Variants in SSC5D observed in about 807,000 individuals in gnomAD.
The protein encoded by SSC5D is soluble scavenger receptor cysteine-rich domain-containing protein SSC5D.
A neutral mutation model predicts 104.6 loss-of-function variants in SSC5D; 106 were observed. The observed-to-expected ratio is 1.01, with a 90% confidence interval of 0.87 to 1.19. The LOEUF (loss-of-function observed/expected upper bound fraction) is 1.19, where lower values mean the gene tolerates loss of function less well. SSC5D is among the 50% of genes most tolerant of loss of function. The pLI, the probability that SSC5D is intolerant of heterozygous loss-of-function variation, is 0.00. For synonymous variants in SSC5D, 860 were observed against 883.5 expected, an observed-to-expected ratio of 0.97 and a Z score of 0.47; for missense variants, 1,993 against 2,153.8, an observed-to-expected ratio of 0.93 and a Z score of 1.48.
intron 2 of SSC5D, 64 bp downstream of exon 2, chr19:55,489,096 C>T: frequency 8.9e-6 from 9 of 1,007,626 alleles, no homozygotes; most frequent in Non-Finnish European, 1.1e-5. Flanking sequence ...TCTGCCCATC[C>T]AGGCCTGGCC....
intron 9 of SSC5D, 42 bp from the exon 10 acceptor site, chr19:55,499,774 A>G: frequency 6.8e-7 from 1 of 1,481,106 alleles, no homozygotes; most frequent in Non-Finnish European, 9.2e-7. Context: ...TCTTGTCATC[A>G]TGGTGTCTCT....
chr19:55,496,965 G>A (rs2123438757), intron 8 of SSC5D, among the ~76,000 whole-genome samples: 1 of 152,270 alleles, frequency 6.6e-6, no homozygotes. Context: ...TCTCCACGTT[G>A]GCCAGGCTGG....
chr19:55,518,688 G>A lies in SSC5D; in HGVS notation c.4412G>A (p.Gly1471Asp). ...PTPGQSPGPH[G>D]PCVAPTPPVR... is the part of the protein sequence containing the mutation. The stretch of plus-strand genomic sequence containing the variant: ...CCTGGTCAGAGCCCAGGCCCCCATG[G>A]TCCATGTGTGGCCCCAACACCACCT... The change falls in exon 14 of 14, where the codon GGT becomes GAT. Residue 1471 changes from glycine (G) to aspartate (D), a missense_variant. Physicochemically the swap from Gly to Asp is moderately conservative, Grantham distance 94. Coordinates refer to ENST00000389623, the MANE Select transcript of SSC5D (RefSeq NM_001144950.2). 1.3e-6 allele frequency: 2 copies of A among 1,550,074 alleles called. No homozygotes were observed. Among genetic ancestry groups the A allele is most frequent in the South Asian group, 1.2e-5 (1 of 83,868 alleles).
intron 12 of SSC5D, among the ~76,000 whole-genome samples, chr19:55,502,185 A>G (rs887721695): frequency 2.0e-5 from 3 of 152,156 alleles, no homozygotes; most frequent in Non-Finnish European, 2.9e-5. Context: ...GTCTGGGTTT[A>G]TAAGTGTGAG....
At chr19:55,493,466 A>C in intron 6 of SSC5D, 129 bp from the exon 7 acceptor site, 1 of 836,640 alleles carries the variant, frequency 1.2e-6, no homozygotes. Context: ...CCTTTTCCTC[A>C]TTTGGATAGT....
At position 55,500,144 on chromosome 19, in the gene SSC5D, T is replaced by G; in HGVS notation, c.2034T>G (p.Ser678=). 1 of 1,550,782 alleles carries G rather than the reference T, an allele frequency of 6.4e-7. No individual in the cohort carries two copies. Among genetic ancestry groups the G allele is most frequent in the Non-Finnish European group, 8.7e-7 (1 of 1,146,732 alleles). Residue 678 remains serine, a synonymous_variant, in exon 10 of 14, where the codon TCT becomes TCG. Transcript: ENST00000389623. The surrounding 1 kb of genome is among the most constrained non-coding windows in gnomAD (Gnocchi z 4.6). ...CTGAGGCCTCCCGAAGACCTACCTC[T>G]GAGTTTACCAGAAGGCCGACCACGG... ...LTTEASRRPT[S]EFTRRPTTEA... is the part of the protein sequence containing the mutation.
intron 13 of SSC5D, among the ~76,000 whole-genome samples, chr19:55,514,573 C>G (rs974588133): frequency 3.4e-5 from 5 of 147,584 alleles, no homozygotes; most frequent in African/African-American, 1.3e-4. Flanking sequence ...TGCACTCCAG[C>G]CTGGGCAACA....
intron 5 of SSC5D, 108 bp from the exon 6 acceptor site, chr19:55,490,664 T>G: frequency 3.9e-6 from 5 of 1,297,684 alleles, no homozygotes; most frequent in Non-Finnish European, 3.1e-6. Flanking sequence ...GGCGGACAGA[T>G]CTCAGGCCAC....
intron 12 of SSC5D, among the ~76,000 whole-genome samples, chr19:55,512,380 G>T (rs1220823426): frequency 2.4e-4 from 17 of 70,294 alleles, no homozygotes; most frequent in African/African-American, 8.7e-4. Context: ...AAAAAAAAAA[G>T]GAAAAATAGT....
At position 55,501,075 on chromosome 19, in the gene SSC5D, C is replaced by T; in HGVS notation, c.2659C>T (p.Pro887Ser). The change falls in exon 12 of 14, where the codon CCC becomes TCC. Residue 887 changes from proline (P) to serine (S), a missense_variant. Physicochemically the swap from Pro to Ser is moderately conservative, Grantham distance 74. Transcript: ENST00000389623. Reference sequence around the variant, plus strand: ...CGATTATCCCCCCTGGACCTGGGACCCCACCTCAAGAGAGGACCTGGCCAA... The same window carrying T: ...CGATTATCCCCCCTGGACCTGGGACTCCACCTCAAGAGAGGACCTGGCCAA... ...YDDYPPWTWD[P>S]TSREDLAKGT... The T allele has an allele frequency of 3.9e-6, 6 of 1,551,818 alleles. No individual in the cohort carries two copies. Among genetic ancestry groups the T allele is most frequent in the Non-Finnish European group, 5.2e-6 (6 of 1,147,000 alleles).
intron 12 of SSC5D, 61 bp from the exon 13 acceptor site, chr19:55,512,950 A>T: frequency 6.5e-7 from 1 of 1,545,616 alleles, no homozygotes; most frequent in Non-Finnish European, 8.8e-7. Context: ...GAGGAGAGAG[A>T]CGGGGAGTCA....
At position 55,517,605 on chromosome 19, in the gene SSC5D, G is replaced by A; in HGVS notation, c.3329G>A (p.Ser1110Asn). 6.4e-7 allele frequency: 1 copy of A among 1,551,576 alleles called. No individual in the cohort carries two copies. The highest frequency in any genetic ancestry group is 8.7e-7 in the Non-Finnish European group (1 of 1,147,020). The change falls in exon 14 of 14, where the codon AGC becomes AAC. Residue 1110 changes from serine (S) to asparagine (N), a missense_variant. By Grantham distance (46) the Ser-to-Asn change is conservative. This residue lies in a region of SSC5D where 423 missense variants were observed against 409.2 expected (regional missense o/e 1.03). Coordinates refer to ENST00000389623, the MANE Select transcript of SSC5D (RefSeq NM_001144950.2). ...SDPSTPSEVTSLSPTSEQVPE... is the reference protein window; with the variant it reads ...SDPSTPSEVTNLSPTSEQVPE... ...CCTTCTACACCGTCGGAGGTGACCAGCCTTTCCCCTACCTCAGAGCAGGTC... is the reference window on the plus strand; with the variant it reads ...CCTTCTACACCGTCGGAGGTGACCAACCTTTCCCCTACCTCAGAGCAGGTC...
intron 8 of SSC5D, 78 bp downstream of exon 8, chr19:55,494,861 G>C: frequency 7.0e-6 from 10 of 1,424,962 alleles, no homozygotes; most frequent in Non-Finnish European, 9.3e-6. Flanking sequence ...CTGTCTCATG[G>C]GGGGCCTCTT....
rs1228947936 is a variant in SSC5D, at chr19:55,493,858, C to A, written c.1159C>A (p.Pro387Thr). 25 of 1,549,200 alleles carry A rather than the reference C, an allele frequency of 1.6e-5. No homozygotes were observed. The East Asian group carries it at 4.6e-4, about 29-fold the overall frequency. Reference protein sequence around the residue: ...ETALRFCPARPWGQHDCHHRE... With the variant: ...ETALRFCPARTWGQHDCHHRE... ...GGCCTTACGATTCTGCCCAGCTCGGCCCTGGGGCCAGCATGACTGTCACCA... is the reference window on the plus strand; with the variant it reads ...GGCCTTACGATTCTGCCCAGCTCGGACCTGGGGCCAGCATGACTGTCACCA... The change falls in exon 7 of 14, where the codon CCC becomes ACC. Residue 387 changes from proline to threonine, a missense_variant. Pro to Thr is a conservative substitution (Grantham distance 38). Transcript: ENST00000389623.
chr19:55,495,233 A>ATATATATATATTTATTTTTTTTTTTT (rs1555765051), intron 8 of SSC5D, among the ~76,000 whole-genome samples: 1 of 50,668 alleles, frequency 2.0e-5, no homozygotes, highest in African/African-American at 9.8e-5. Flanking sequence ...ATATATATAT[A>ATATATATATATTTATTTTTTTTTTTT]TTTTTTTTTT....
chr19:55,509,243 C>T (rs570798100), intron 12 of SSC5D, among the ~76,000 whole-genome samples: 1 of 152,294 alleles, frequency 6.6e-6, no homozygotes, highest in East Asian at 1.9e-4. Flanking sequence ...AAAATGACAC[C>T]GTCTGGCAGC....
rs1239466413 is a variant in SSC5D, at chr19:55,503,522, G to T, written c.2785+2321G>T. On this transcript the variant is annotated intron_variant, in intron 12 of 13. Transcript: ENST00000389623. This position sits in a 1 kb window ranked among gnomAD's most constrained non-coding sequence, Gnocchi z 4.0. ...TCTCATGGTCAGCCCCCTTCCCTCC[G>T]TTTCTGTCTCCCGCGGGCTCCTCTG... is the stretch of plus-strand genomic sequence containing the variant. Among the ~76,000 whole-genome samples the T allele has an allele frequency of 1.3e-5, 2 of 151,472 alleles. No individual in the cohort carries two copies. The highest frequency in any genetic ancestry group is 4.9e-5 in the African/African-American group (2 of 41,178).
chr19:55,502,885 G>T (rs563599477), intron 12 of SSC5D, among the ~76,000 whole-genome samples: 4 of 151,492 alleles, frequency 2.6e-5, no homozygotes, highest in African/African-American at 9.7e-5. Flanking sequence ...GCGTGGTCTC[G>T]GCTCACTGCA....
chr19:55,493,759 C>G lies in SSC5D; in HGVS notation c.1060C>G (p.Pro354Ala). The G allele has an allele frequency of 3.9e-6, 6 of 1,527,842 alleles. No individual in the cohort carries two copies. Among genetic ancestry groups the G allele is most frequent in the Non-Finnish European group, 4.4e-6 (5 of 1,138,638 alleles). The allele number at this position is 1,527,842 out of a possible 1,614,324, so 94.6% of individuals were successfully genotyped here. A position where few individuals can be genotyped will look rare whatever the true frequency, so the allele number is the denominator to read the frequency against. ...ELGCGGALAA[P>A]GGAFFGEGSG... The stretch of plus-strand genomic sequence containing the variant: ...GGGCTGCGGAGGGGCGCTGGCCGCC[C>G]CCGGGGGCGCCTTCTTTGGGGAGGG... Residue 354 changes from proline to alanine, a missense_variant, in exon 7 of 14, where the codon CCC becomes GCC. This residue lies in a region of SSC5D where 1,101 missense variants were observed against 1,085.0 expected (regional missense o/e 1.01). Coordinates refer to ENST00000389623, the MANE Select transcript of SSC5D (RefSeq NM_001144950.2).
Sources: allele counts gnomAD v4.1 joint callset (sites outside exome capture counted in the v4.1 genomes callset), GRCh38; gene constraint gnomAD v4.1.1; regional missense constraint gnomAD v4.1.1; non-coding constraint Gnocchi (gnomAD v3.1); transcripts MANE v1.5; gene names NCBI Gene and HGNC (gene_info 2026-07-23, HGNC 2026-07-21).